Variants in TAF3 observed in about 807,000 individuals in gnomAD.
TAF3 encodes the protein transcription initiation factor TFIID subunit 3.
In TAF3, 7 loss-of-function variants were observed where a neutral mutation model predicts 80.6. The ratio of observed to expected loss-of-function variants is 0.09; its 90% CI spans 0.05 to 0.16. The LOEUF is 0.16. TAF3 is among the 10% of genes least tolerant of loss of function. The pLI, the probability that TAF3 is intolerant of heterozygous loss-of-function variation, is 1.00. For missense variants in TAF3, 921 were observed against 1,140.2 expected, an observed-to-expected ratio of 0.81 and a Z score of 2.77; for synonymous variants, 444 against 446.1, an observed-to-expected ratio of 1.00 and a Z score of 0.06.
At chr10:7,832,029 G>A (rs7078361) in intron 2 of TAF3, among the ~76,000 whole-genome samples, 46,699 of 151,914 alleles carry the variant, frequency 0.31, 8,040 homozygotes, top group Non-Finnish European at 0.39. Flanking sequence ...AATGCCTATC[G>A]TTTTTTGTGG....
chr10:7,824,836 C>G (rs1485872668), intron 2 of TAF3, among the ~76,000 whole-genome samples: 2 of 152,120 alleles, frequency 1.3e-5, no homozygotes, highest in East Asian at 3.8e-4. Context: ...CTTTCAACAG[C>G]CCTATTATAT....
chr10:7,968,289 G>C (rs1831591543), intron 3 of TAF3, among the ~76,000 whole-genome samples: 1 of 152,154 alleles, frequency 6.6e-6, no homozygotes, highest in Non-Finnish European at 1.5e-5. Context: ...CTGACCAAGA[G>C]CAACTCTCCC....
chr10:7,818,580 C>A lies in TAF3; in HGVS notation c.-130C>A, dbSNP rs913733053. On this transcript the variant is annotated 5_prime_UTR_variant, in exon 1 of 7. Coordinates refer to ENST00000344293, the MANE Select transcript of TAF3 (RefSeq NM_031923.4). ...CGTGCTGCTGGGGCTTTGAGGTGGT[C>A]GCCGGGGGTCCGGGGGACCCTTTCC... 2.6e-5 allele frequency: 27 copies of A among 1,042,200 alleles called. No individual in the cohort carries two copies. In the African/African-American group the frequency reaches 3.2e-4, roughly 12 times the overall value. The allele number at this position is 1,042,200 out of a possible 1,614,324, so 64.6% of individuals were successfully genotyped here. A position where few individuals can be genotyped will look rare whatever the true frequency, so the allele number is the denominator to read the frequency against.
At chr10:7,956,232 G>A (rs1213074232) in intron 2 of TAF3, among the ~76,000 whole-genome samples, 2 of 152,132 alleles carry the variant, frequency 1.3e-5, no homozygotes, top group Admixed American at 1.3e-4. Flanking sequence ...TCTCACGCCT[G>A]TAATCCCAGC....
intron 4 of TAF3, among the ~76,000 whole-genome samples, chr10:8,006,179 T>TAAAC (rs1831990065): frequency 7.4e-6 from 1 of 134,614 alleles, no homozygotes; most frequent in South Asian, 2.4e-4. Flanking sequence ...AAAAAAAAAA[T>TAAAC]ACACACACAC....
chr10:7,957,792 G>GTGCT (rs1554785371), intron 2 of TAF3, among the ~76,000 whole-genome samples: 11 of 134,346 alleles, frequency 8.2e-5, no homozygotes, highest in Admixed American at 2.2e-4. Flanking sequence ...TCTCTCTAGC[G>GTGCT]CGCTCTCTCT....
chr10:7,856,563 C>T (rs1463795578), intron 2 of TAF3, among the ~76,000 whole-genome samples: 5 of 152,058 alleles, frequency 3.3e-5, no homozygotes, highest in African/African-American at 4.8e-5. Flanking sequence ...AATATCTGAA[C>T]AACAAAAGTT....
chr10:7,891,263 T>A (rs1837454985), intron 2 of TAF3, among the ~76,000 whole-genome samples: 1 of 152,242 alleles, frequency 6.6e-6, no homozygotes, highest in Admixed American at 6.5e-5. Context: ...AGCCTTCATC[T>A]TTTATTGATT....
chr10:7,877,058 C>T (rs1403671549), intron 2 of TAF3, among the ~76,000 whole-genome samples: 2 of 150,512 alleles, frequency 1.3e-5, no homozygotes, highest in African/African-American at 2.4e-5. Flanking sequence ...GGAGATTCCA[C>T]GTCTGAGGTT....
chr10:7,933,992 G>A (rs1261247486), intron 2 of TAF3, among the ~76,000 whole-genome samples: 4 of 152,176 alleles, frequency 2.6e-5, no homozygotes, highest in Non-Finnish European at 5.9e-5. Flanking sequence ...CCTGCAGAAT[G>A]AGTGTCAATG....
chr10:7,860,292 A>AG (rs1437953969), intron 2 of TAF3, among the ~76,000 whole-genome samples: 3 of 147,336 alleles, frequency 2.0e-5, no homozygotes, highest in Non-Finnish European at 4.4e-5. Context: ...AAAAAGAAGA[A>AG]AAAAAAAAAG....
Position 7,964,352 on chromosome 10 carries a change from A to G in TAF3, c.842A>G (p.Gln281Arg), listed in dbSNP as rs1831545382. Residue 281 changes from glutamine to arginine, a missense_variant, in exon 3 of 7, where the codon CAG becomes CGG. Around this residue, in one of 6 missense-constraint regions of TAF3, gnomAD observed 743 missense variants for 821.0 expected, o/e 0.90. Coordinates refer to ENST00000344293, the MANE Select transcript of TAF3 (RefSeq NM_031923.4). The surrounding 1 kb of genome is among the most constrained non-coding windows in gnomAD (Gnocchi z 4.1). ...AAGACTAAAACTAGCTCTCCAGGAC[A>G]GAAGACTAAATCACCTAAAACCGCC... ...KTKTKTSSPG[Q>R]KTKSPKTAQS... The G allele has an allele frequency of 6.2e-7, 1 of 1,614,116 alleles. No individual in the cohort carries two copies. The highest frequency in any genetic ancestry group is 8.5e-7 in the Non-Finnish European group (1 of 1,180,046).
chr10:7,818,902 G>T, intron 1 of TAF3, 27 bp downstream of exon 1: 4 of 1,377,320 alleles, frequency 2.9e-6, no homozygotes, highest in Non-Finnish European at 3.7e-6. Context: ...GTGCGGGAGG[G>T]CTGCCCCGGC....
At chr10:8,005,556 T>C (rs1831983358) in intron 4 of TAF3, among the ~76,000 whole-genome samples, 2 of 152,226 alleles carry the variant, frequency 1.3e-5, no homozygotes, top group South Asian at 4.1e-4. Context: ...GATCCTGGGC[T>C]TTGACATTCG....
At chr10:7,944,726 G>T (rs1564368659) in intron 2 of TAF3, among the ~76,000 whole-genome samples, 1 of 152,158 alleles carries the variant, frequency 6.6e-6, no homozygotes, top group Non-Finnish European at 1.5e-5. Context: ...GCCTTCCAGG[G>T]TATAGAAGAA....
At chr10:7,839,520 G>A (rs17143029) in intron 2 of TAF3, among the ~76,000 whole-genome samples, 38,524 of 152,012 alleles carry the variant, frequency 0.25, 5,087 homozygotes, top group Admixed American at 0.36. Flanking sequence ...ACATGGCTGC[G>A]AAGTGATAGA....
At chr10:7,895,932 C>T (rs769029089) in intron 2 of TAF3, among the ~76,000 whole-genome samples, 1 of 152,150 alleles carries the variant, frequency 6.6e-6, no homozygotes, top group South Asian at 2.1e-4. Context: ...TCAGTGAACA[C>T]CGAAGCTGAC....
At chr10:7,912,455 A>ATCT (rs1837665640) in intron 2 of TAF3, among the ~76,000 whole-genome samples, 3 of 152,134 alleles carry the variant, frequency 2.0e-5, no homozygotes, top group African/African-American at 7.2e-5. Context: ...AAAGATAATA[A>ATCT]TTTAGGATAC....
chr10:7,961,190 T>C (rs1035881135), intron 2 of TAF3, among the ~76,000 whole-genome samples: 1 of 151,784 alleles, frequency 6.6e-6, no homozygotes, highest in African/African-American at 2.4e-5. Flanking sequence ...GCAAACAGAG[T>C]TGAAAACTTG....
Sources: allele counts gnomAD v4.1 joint callset (sites outside exome capture counted in the v4.1 genomes callset), GRCh38; gene constraint gnomAD v4.1.1; regional missense constraint gnomAD v4.1.1; non-coding constraint Gnocchi (gnomAD v3.1); transcripts MANE v1.5; gene names NCBI Gene and HGNC (gene_info 2026-07-23, HGNC 2026-07-21).